UBAP2: variants seen among roughly 807,000 people sequenced by gnomAD.
UBAP2 encodes the protein ubiquitin associated protein 2.
In UBAP2, 75 loss-of-function variants were observed where a neutral mutation model predicts 139.6. That is an observed-to-expected ratio of 0.54 (90% CI 0.45 to 0.65). UBAP2 has a LOEUF of 0.65. Among genes scored for constraint, UBAP2 ranks in the 30% least tolerant of loss-of-function variants. The probability of loss-of-function intolerance (pLI) is 0.00; values close to 1 mark genes in which losing one functional copy is unlikely to be tolerated. For missense variants in UBAP2, 1,368 were observed against 1,369.6 expected, an observed-to-expected ratio of 1.00 and a Z score of 0.02; for synonymous variants, 526 against 526.2, an observed-to-expected ratio of 1.00 and a Z score of 0.01.
intron 8 of UBAP2, among the ~76,000 whole-genome samples, chr9:33,965,535 G>A (rs546231628): frequency 6.6e-6 from 1 of 152,142 alleles, no homozygotes; most frequent in Admixed American, 6.5e-5. Flanking sequence ...AAATCACTAG[G>A]ATTTGCCACT....
At chr9:33,990,056 CATAT>C (rs4008759) in intron 4 of UBAP2, among the ~76,000 whole-genome samples, 60 of 149,470 alleles carry the variant, frequency 4.0e-4, no homozygotes, top group African/African-American at 1.4e-3. Flanking sequence ...TCTAATCTAC[CATAT>C]ATATATATAT....
intron 1 of UBAP2, among the ~76,000 whole-genome samples, chr9:34,028,540 C>T (rs756633364): frequency 4.6e-5 from 7 of 151,838 alleles, no homozygotes; most frequent in African/African-American, 1.7e-4. Flanking sequence ...CCACCACGCC[C>T]GGCTAATTTT....
chr9:33,973,388 C>G lies in UBAP2; in HGVS notation c.521-151G>C, dbSNP rs1430026369. 5 of 777,476 alleles carry G rather than the reference C, an allele frequency of 6.4e-6. No individual in the cohort carries two copies. In the East Asian group the frequency reaches 1.1e-4, roughly 16 times the overall value. The allele number at this position is 777,476 out of a possible 1,614,324, so 48.2% of individuals were successfully genotyped here. A position where few individuals can be genotyped will look rare whatever the true frequency, so the allele number is the denominator to read the frequency against. On this transcript the variant is annotated intron_variant, in intron 6 of 28. Coordinates refer to ENST00000379238, the MANE Select transcript of UBAP2 (RefSeq NM_001370062.2). ...AATCCAGGGCACCCAATTAACTGAT[C>G]CCTGCTGATACAACTACCTATACCC...
At chr9:33,954,452 C>T (rs990172991) in intron 11 of UBAP2, among the ~76,000 whole-genome samples, 2 of 152,150 alleles carry the variant, frequency 1.3e-5, no homozygotes, top group African/African-American at 4.8e-5. Context: ...CCTGTACCAA[C>T]TCTTTTCTAA....
rs535918760 is a variant in UBAP2, at chr9:33,960,699, G to A, written c.798+127C>T. ...GGAGGCTGAGGCAGAAGAACTGCTT[G>A]AATCTGGGAGGCAGAGGTTGCAATG... On this transcript the variant is annotated intron_variant, in intron 10 of 28. Transcript: ENST00000379238. The A allele has an allele frequency of 6.0e-6, 5 of 826,820 alleles. No homozygotes were observed. The South Asian group carries it at 6.5e-5, about 11-fold the overall frequency. 51.2% of individuals were successfully genotyped at this position (826,820 alleles called of 1,614,324 possible).
rs373102202 is a variant in UBAP2 at position 33,971,759 on chromosome 9, G to A, written c.576-5C>T. ...TAGTCTGCAGGATTAAATGTCCTGG[G>A]GTTTGAAATAAAGAAATAATAAAGG... On this transcript the variant is annotated splice_polypyrimidine_tract_variant and splice_region_variant and intron_variant, in intron 7 of 28. Coordinates refer to ENST00000379238, the MANE Select transcript of UBAP2 (RefSeq NM_001370062.2). The A allele has an allele frequency of 5.2e-6, 8 of 1,550,052 alleles. No homozygotes were observed. In the African/African-American group the frequency reaches 1.1e-4, roughly 21 times the overall value.
At chr9:33,926,930 G>C (rs966663965) in intron 21 of UBAP2, 59 bp downstream of exon 21, 3 of 1,554,334 alleles carry the variant, frequency 1.9e-6, no homozygotes, top group Non-Finnish European at 2.7e-6. Flanking sequence ...GTTCCTGCCA[G>C]GTGCCAGCCC....
Position 33,932,631 on chromosome 9 carries a change from A to G in UBAP2, c.2109-3T>C, listed in dbSNP as rs2130884499. On this transcript the variant is annotated splice_region_variant and splice_polypyrimidine_tract_variant and intron_variant, in intron 18 of 28. Transcript: ENST00000379238. ...TGCTCTGGTGGCTGGAGAGCGAACT[A>G]GAAGACAAAACAGAGCGCCGTATGT... is the stretch of plus-strand genomic sequence containing the variant. 3 of 1,613,952 alleles carry G rather than the reference A, an allele frequency of 1.9e-6. No individual in the cohort carries two copies. The highest frequency in any genetic ancestry group is 2.5e-6 in the Non-Finnish European group (3 of 1,179,990).
chr9:33,925,343 G>A (rs1047545761), intron 22 of UBAP2, among the ~76,000 whole-genome samples: 2 of 152,172 alleles, frequency 1.3e-5, no homozygotes, highest in East Asian at 1.9e-4. Flanking sequence ...AGCCCAGAAG[G>A]GGGAGCACTT....
At chr9:34,018,770 G>A (rs6476431) in intron 1 of UBAP2, among the ~76,000 whole-genome samples, 53,578 of 151,954 alleles carry the variant, frequency 0.35, 9,599 homozygotes, top group Middle Eastern at 0.45. Context: ...GGCTGAGGCA[G>A]GAGAATGGCG....
chr9:34,008,729 G>C (rs1054530047), intron 2 of UBAP2, among the ~76,000 whole-genome samples: 2 of 152,038 alleles, frequency 1.3e-5, no homozygotes, highest in African/African-American at 4.8e-5. Context: ...CACTTTGGTA[G>C]GCTGAGGCAG....
chr9:33,924,041 AC>A (rs1317213307), intron 23 of UBAP2, 41 bp from the exon 24 acceptor site: 2 of 1,609,008 alleles, frequency 1.2e-6, no homozygotes, highest in East Asian at 4.5e-5. Context: ...CCTTCCTCCA[AC>A]CAGAGAAAGG....
chr9:33,968,559 T>A, intron 8 of UBAP2: 1 of 372,114 alleles, frequency 2.7e-6, no homozygotes. Context: ...AAATCCCACG[T>A]GCCACTCAGA....
intron 19 of UBAP2, among the ~76,000 whole-genome samples, chr9:33,929,203 T>C (rs1243497101): frequency 6.6e-6 from 1 of 152,194 alleles, no homozygotes; most frequent in East Asian, 1.9e-4. Flanking sequence ...GCAAGTGTAC[T>C]TGGATATATA....
At chr9:33,953,059 G>A (rs1223778782) in intron 12 of UBAP2, among the ~76,000 whole-genome samples, 1 of 152,014 alleles carries the variant, frequency 6.6e-6, no homozygotes, top group South Asian at 2.1e-4. Context: ...TGCTTTTTTC[G>A]TAGAGACAGA....
chr9:33,989,186 C>A, intron 4 of UBAP2, 60 bp from the exon 5 acceptor site: 1 of 1,478,994 alleles, frequency 6.8e-7, no homozygotes, highest in East Asian at 2.4e-5. Context: ...TTATCAAAGG[C>A]ACATGCATGT....
At chr9:34,015,328 T>G (rs539509808) in intron 2 of UBAP2, among the ~76,000 whole-genome samples, 1 of 152,276 alleles carries the variant, frequency 6.6e-6, no homozygotes, top group East Asian at 1.9e-4. Flanking sequence ...AATGGGTCTT[T>G]GTTTTATTGA....
intron 16 of UBAP2, among the ~76,000 whole-genome samples, chr9:33,937,876 C>A (rs1422408651): frequency 6.6e-6 from 1 of 152,012 alleles, no homozygotes; most frequent in African/African-American, 2.4e-5. Flanking sequence ...GAGCCGGGAC[C>A]GTGGCACTCC....
At chr9:34,023,976 G>A (rs1042037894) in intron 1 of UBAP2, among the ~76,000 whole-genome samples, 15 of 149,734 alleles carry the variant, frequency 1.0e-4, no homozygotes, top group African/African-American at 3.4e-4. Context: ...CCTGGGAGGC[G>A]GAGTCTGCAG....
Sources: gnomAD v4.1 joint callset for allele counts (sites outside exome capture counted in the v4.1 genomes callset) on GRCh38, gnomAD v4.1.1 for gene constraint, MANE v1.5 for transcripts, NCBI Gene and HGNC (gene_info 2026-07-23, HGNC 2026-07-21) for gene names.